TRAF3: variants seen among roughly 807,000 people sequenced by gnomAD.
TRAF3 encodes TNF receptor associated factor 3, also known as TNF receptor-associated factor 3.
In TRAF3, 13 loss-of-function variants were observed where a neutral mutation model predicts 62.3. The ratio of observed to expected loss-of-function variants is 0.21; its 90% confidence interval spans 0.14 to 0.33. The LOEUF is 0.33. Ranked by LOEUF, TRAF3 falls within the 10% of genes least tolerant of loss-of-function variation. The pLI, the probability that TRAF3 is intolerant of heterozygous loss-of-function variation, is 1.00. For synonymous variants in TRAF3, 269 were observed against 283.4 expected (o/e 0.95, Z 0.51); for missense variants, 440 against 741.8 (o/e 0.59, Z 4.73).
rs1890664145 is a variant in TRAF3, at chr14:102,907,897, CCTGCTCATAAAGGAAGGA to C, written c.*2116_*2133del. The C allele has an allele frequency of 1.3e-5, 2 of 152,252 alleles. No individual in the cohort carries two copies. 9.4% of individuals were successfully genotyped at this position (152,252 alleles called of 1,614,324 possible). A position where few individuals can be genotyped will look rare whatever the true frequency, so the allele number is the denominator to read the frequency against. On this transcript the variant is annotated 3_prime_UTR_variant, in exon 12 of 12. Coordinates refer to ENST00000392745, the MANE Select transcript of TRAF3 (RefSeq NM_145725.3). ...CTGCCCTGTGAGGGAGTCGTGTGTC[CCTGCTCATAAAGGAAGGA>C]CTTCCTGCAGAAGCTGCGGAAAACT...
chr14:102,827,874 C>T (rs1245981299), intron 1 of TRAF3, among the ~76,000 whole-genome samples: 1 of 152,212 alleles, frequency 6.6e-6, no homozygotes, highest in Non-Finnish European at 1.5e-5. Flanking sequence ...TTGCTGCCCA[C>T]AGAGGACCTG....
chr14:102,837,271 T>C (rs944905526), intron 2 of TRAF3, among the ~76,000 whole-genome samples: 1 of 151,930 alleles, frequency 6.6e-6, no homozygotes, highest in Non-Finnish European at 1.5e-5. Flanking sequence ...CCCGAGTAGC[T>C]GGGACCACAG....
At chr14:102,793,680 A>T (rs1458121536) in intron 1 of TRAF3, among the ~76,000 whole-genome samples, 4 of 152,200 alleles carry the variant, frequency 2.6e-5, no homozygotes, top group Non-Finnish European at 5.9e-5. Flanking sequence ...AGCTGGGGAA[A>T]ATCATGGCTG....
intron 2 of TRAF3, among the ~76,000 whole-genome samples, chr14:102,861,059 G>A (rs1887649324): frequency 6.6e-6 from 1 of 152,264 alleles, no homozygotes; most frequent in Admixed American, 6.5e-5. Context: ...GCTGGGGAAT[G>A]CAAGAAGCTC....
chr14:102,824,342 C>T (rs1251846336), intron 1 of TRAF3, among the ~76,000 whole-genome samples: 1 of 152,210 alleles, frequency 6.6e-6, no homozygotes, highest in Non-Finnish European at 1.5e-5. Flanking sequence ...ATCTGGTGGT[C>T]ATGAAATGGT....
chr14:102,784,425 G>A (rs528149042), intron 1 of TRAF3, among the ~76,000 whole-genome samples: 210 of 152,062 alleles, frequency 1.4e-3, no homozygotes, highest in African/African-American at 4.0e-3. Context: ...GTTTCACCAC[G>A]TTGGCCAGGC....
At chr14:102,802,154 ATTTTTT>A (rs1202677524) in intron 1 of TRAF3, among the ~76,000 whole-genome samples, 1 of 81,038 alleles carries the variant, frequency 1.2e-5, no homozygotes, top group Non-Finnish European at 2.6e-5. Context: ...ACCTGGACTC[ATTTTTT>A]TTTTTTTTTT....
intron 2 of TRAF3, among the ~76,000 whole-genome samples, chr14:102,846,482 A>C (rs1257831011): frequency 1.3e-5 from 2 of 151,914 alleles, no homozygotes; most frequent in African/African-American, 4.8e-5. Context: ...CTAGGTGATA[A>C]ATCTCTAAAG....
At chr14:102,902,022 T>A (rs1232763052) in intron 10 of TRAF3, among the ~76,000 whole-genome samples, 1 of 152,244 alleles carries the variant, frequency 6.6e-6, no homozygotes, top group African/African-American at 2.4e-5. Flanking sequence ...TGGCTTCATC[T>A]CACAGGTGGA....
At chr14:102,833,214 C>T (rs1318903320) in intron 2 of TRAF3, among the ~76,000 whole-genome samples, 1 of 152,222 alleles carries the variant, frequency 6.6e-6, no homozygotes, top group East Asian at 1.9e-4. Context: ...CTGTGGCACT[C>T]AGTACATGTT....
chr14:102,881,369 GCAAGACTCCGTCT>G (rs1429611975), intron 6 of TRAF3, among the ~76,000 whole-genome samples: 1 of 147,334 alleles, frequency 6.8e-6, no homozygotes, highest in African/African-American at 2.5e-5. Flanking sequence ...GGGCGACAGA[GCAAGACTCCGTCT>G]CAACAACAAA....
At chr14:102,861,257 G>A (rs1887660953) in intron 2 of TRAF3, among the ~76,000 whole-genome samples, 1 of 152,216 alleles carries the variant, frequency 6.6e-6, no homozygotes, top group Non-Finnish European at 1.5e-5. Flanking sequence ...ACAGCCATCA[G>A]CAAAGAGTGC....
chr14:102,809,262 AG>A, intron 1 of TRAF3: 1 of 152,314 alleles, frequency 6.6e-6, no homozygotes. Context: ...CTGGGATTAC[AG>A]GCATGAGCCA....
At chr14:102,851,759 A>G (rs1887056380) in intron 2 of TRAF3, among the ~76,000 whole-genome samples, 1 of 151,810 alleles carries the variant, frequency 6.6e-6, no homozygotes, top group Non-Finnish European at 1.5e-5. Context: ...AAAAGAAATT[A>G]TCATCACAGG....
At chr14:102,822,931 G>A (rs1417750481) in intron 1 of TRAF3, among the ~76,000 whole-genome samples, 1 of 151,974 alleles carries the variant, frequency 6.6e-6, no homozygotes, top group South Asian at 2.1e-4. Context: ...GCTTGAACCC[G>A]GGAGGCAGAG....
intron 1 of TRAF3, among the ~76,000 whole-genome samples, chr14:102,814,530 TC>T (rs964816228): frequency 2.0e-5 from 3 of 151,990 alleles, no homozygotes; most frequent in African/African-American, 7.3e-5. Context: ...TTTCTTTTTT[TC>T]CCCCCCAAGA....
intron 4 of TRAF3, among the ~76,000 whole-genome samples, chr14:102,874,796 G>A (rs960402376): frequency 1.1e-4 from 17 of 152,066 alleles, no homozygotes; most frequent in South Asian, 2.1e-4. Flanking sequence ...GACTGCAGGC[G>A]CATATGCTGC....
chr14:102,870,197 C>T lies in TRAF3; in HGVS notation c.-5C>T. 6.2e-7 allele frequency: 1 copy of T among 1,614,104 alleles called. No individual in the cohort carries two copies. Among genetic ancestry groups the T allele is most frequent in the Non-Finnish European group, 8.5e-7 (1 of 1,180,014 alleles). On this transcript the variant is annotated 5_prime_UTR_variant, in exon 3 of 12. Coordinates refer to ENST00000392745, the MANE Select transcript of TRAF3 (RefSeq NM_145725.3). ...TTTTTCCCGACAGAACTCCTCTTTC[C>T]TAAAATGGAGTCGAGTAAAAAGATG... is the stretch of plus-strand genomic sequence containing the variant.
chr14:102,860,157 C>A (rs1216864399), intron 2 of TRAF3, among the ~76,000 whole-genome samples: 1 of 152,178 alleles, frequency 6.6e-6, no homozygotes, highest in East Asian at 1.9e-4. Context: ...TCCAGACACA[C>A]AAAGATCCAA....
Sources: allele counts gnomAD v4.1 joint callset (sites outside exome capture counted in the v4.1 genomes callset), GRCh38; gene constraint gnomAD v4.1.1; transcripts MANE v1.5; gene names NCBI Gene and HGNC (gene_info 2026-07-23, HGNC 2026-07-21).